Variants in PPARGC1A observed in about 807,000 individuals in gnomAD.
PPARGC1A encodes the protein PPARG coactivator 1 alpha, also known as peroxisome proliferator-activated receptor gamma coactivator 1-alpha.
A neutral mutation model predicts 88.7 loss-of-function variants in PPARGC1A; 25 were observed. That is an observed-to-expected ratio of 0.28 (90% CI 0.21 to 0.39). The LOEUF (loss-of-function observed/expected upper bound fraction) is 0.39, where lower values mean the gene tolerates loss of function less well. Ranked by LOEUF, PPARGC1A falls within the 10% of genes least tolerant of loss-of-function variation. PPARGC1A has a pLI of 1.00. For synonymous variants in PPARGC1A, 363 were observed against 355.6 expected (o/e 1.02, Z -0.24); for missense variants, 880 against 968.7 (o/e 0.91, Z 1.22).
the PPARGC1A span, among the ~76,000 whole-genome samples, chr4:24,126,788 AG>A: frequency 6.6e-6 from 1 of 152,204 alleles, no homozygotes; most frequent in Non-Finnish European, 1.5e-5. Context: ...TCAGTTGCAG[AG>A]CCTCAGCTCT....
chr4:23,801,517 A>G lies in PPARGC1A; in HGVS notation c.2293+213T>C, dbSNP rs1718739009. ...CACAATTTTCAGCACCTGAGTAGAT[A>G]GTACAAAGAATTTACTTCTGTCCTT... is the stretch of plus-strand genomic sequence containing the variant. On this transcript the variant is annotated intron_variant, in intron 12 of 12. Coordinates refer to ENST00000264867, the MANE Select transcript of PPARGC1A (RefSeq NM_013261.5). 2.0e-5 allele frequency among the ~76,000 whole-genome samples: 3 copies of G among 152,208 alleles called. No individual in the cohort carries two copies. The South Asian group carries it at 6.2e-4, about 31-fold the overall frequency.
At chr4:24,325,681 G>A in the PPARGC1A span, among the ~76,000 whole-genome samples, 18 of 152,186 alleles carry the variant, frequency 1.2e-4, no homozygotes, top group Non-Finnish European at 1.6e-4. Context: ...GAAGACTGAC[G>A]CTGCCCGATC....
the PPARGC1A span, among the ~76,000 whole-genome samples, chr4:23,947,394 TATAAAA>T: frequency 0.094 from 1,060 of 11,232 alleles, 8 homozygotes; most frequent in Non-Finnish European, 0.14. Context: ...TATATATATA[TATAAAA>T]AAAACGGTGA....
intron 2 of PPARGC1A, among the ~76,000 whole-genome samples, chr4:23,832,932 A>G (rs1725309290): frequency 6.6e-6 from 1 of 152,126 alleles, no homozygotes; most frequent in Non-Finnish European, 1.5e-5. Flanking sequence ...TATTTCTAAT[A>G]GTGGCTCCTG....
chr4:23,839,897 G>A (rs1475220424), intron 2 of PPARGC1A, among the ~76,000 whole-genome samples: 1 of 151,934 alleles, frequency 6.6e-6, no homozygotes, highest in Non-Finnish European at 1.5e-5. Flanking sequence ...GGAAAGACCC[G>A]CTCTCATAAT....
the PPARGC1A span, among the ~76,000 whole-genome samples, chr4:24,303,049 C>G: frequency 6.6e-6 from 1 of 152,148 alleles, no homozygotes; most frequent in East Asian, 1.9e-4. Context: ...AACCCAGACC[C>G]CTGTGTGGAA....
the PPARGC1A span, among the ~76,000 whole-genome samples, chr4:24,252,982 ACTT>A: frequency 2.0e-5 from 3 of 152,200 alleles, no homozygotes; most frequent in Non-Finnish European, 4.4e-5. Flanking sequence ...AATATTCCTA[ACTT>A]GGAAAACGAT....
At chr4:24,448,025 C>T in the PPARGC1A span, among the ~76,000 whole-genome samples, 1 of 152,206 alleles carries the variant, frequency 6.6e-6, no homozygotes, top group Admixed American at 6.5e-5. Context: ...TTCTCATCTA[C>T]CACTGAATTC....
chr4:23,861,675 CA>C lies in PPARGC1A; in HGVS notation c.234+23076del, dbSNP rs942260706. 5.9e-4 allele frequency among the ~76,000 whole-genome samples: 89 copies of C among 150,986 alleles called. No individual in the cohort carries two copies. The Middle Eastern group carries it at 0.014, about 23-fold the overall frequency. ...ATGGTTTGACTCCTTGGTCCAGAAA[CA>C]AAAAAAAGGCAAAATATTTCTGAAA... On this transcript the variant is annotated intron_variant, in intron 2 of 12. Coordinates refer to ENST00000264867, the MANE Select transcript of PPARGC1A (RefSeq NM_013261.5).
intron 2 of PPARGC1A, among the ~76,000 whole-genome samples, chr4:23,873,800 A>C (rs1714095792): frequency 6.6e-6 from 1 of 152,096 alleles, no homozygotes; most frequent in African/African-American, 2.4e-5. Context: ...AATAGAAAGA[A>C]AAAAAAAGAA....
At chr4:24,165,231 G>A in the PPARGC1A span, among the ~76,000 whole-genome samples, 1 of 151,824 alleles carries the variant, frequency 6.6e-6, no homozygotes, top group Non-Finnish European at 1.5e-5. Context: ...CTGAATGCTG[G>A]TATTTGGGAT....
At chr4:24,365,985 T>C in the PPARGC1A span, among the ~76,000 whole-genome samples, 4 of 152,152 alleles carry the variant, frequency 2.6e-5, no homozygotes, top group African/African-American at 9.7e-5. Context: ...GCTTTTCTCC[T>C]AATCATCAAC....
the PPARGC1A span, among the ~76,000 whole-genome samples, chr4:24,338,907 AT>A: frequency 6.6e-6 from 1 of 152,124 alleles, no homozygotes; most frequent in African/African-American, 2.4e-5. Flanking sequence ...AAAAATCTTT[AT>A]TATTGTGGTA....
the PPARGC1A span, among the ~76,000 whole-genome samples, chr4:24,295,775 G>A: frequency 6.6e-6 from 1 of 150,600 alleles, no homozygotes; most frequent in Admixed American, 6.6e-5. Context: ...ATTACACACT[G>A]CACTGTGTGT....
the PPARGC1A span, among the ~76,000 whole-genome samples, chr4:24,339,792 G>A: frequency 1.3e-5 from 2 of 152,320 alleles, no homozygotes; most frequent in South Asian, 4.1e-4. Context: ...AGGCTGGAGT[G>A]CAGTGGTGCG....
chr4:24,005,553 A>T, the PPARGC1A span, among the ~76,000 whole-genome samples: 1 of 152,210 alleles, frequency 6.6e-6, no homozygotes, highest in Non-Finnish European at 1.5e-5. Context: ...TCTGGCTCCA[A>T]GATCACGGAA....
chr4:23,909,841 G>A, the PPARGC1A span, among the ~76,000 whole-genome samples: 2 of 151,444 alleles, frequency 1.3e-5, no homozygotes, highest in Admixed American at 1.3e-4. Flanking sequence ...TACTAAGGAG[G>A]CTAGAAAATA....
chr4:24,100,955 C>T, the PPARGC1A span, among the ~76,000 whole-genome samples: 1 of 152,204 alleles, frequency 6.6e-6, no homozygotes, highest in African/African-American at 2.4e-5. Flanking sequence ...ATTAACCTAA[C>T]ATCCATAAAA....
chr4:24,280,547 A>G, the PPARGC1A span, among the ~76,000 whole-genome samples: 19 of 152,174 alleles, frequency 1.2e-4, no homozygotes, highest in Admixed American at 2.0e-4. Context: ...GCAGAGAAAG[A>G]GAAGGGAAGG....
Sources: gnomAD v4.1 joint callset for allele counts (sites outside exome capture counted in the v4.1 genomes callset) on GRCh38, gnomAD v4.1.1 for gene constraint, MANE v1.5 for transcripts, NCBI Gene and HGNC (gene_info 2026-07-23, HGNC 2026-07-21) for gene names.